The following CERS6 variants were observed in gnomAD, a reference collection of about 807,000 sequenced individuals.
CERS6 encodes the protein LAG1 homolog, ceramide synthase 6.
Under a neutral mutation model 56.8 loss-of-function variants are expected in CERS6, and 26 were observed. The ratio of observed to expected loss-of-function variants is 0.46; its 90% CI spans 0.34 to 0.63. The LOEUF is 0.63. CERS6 is among the 30% of genes least tolerant of loss of function. The pLI is 0.01. For missense variants in CERS6, 415 were observed against 467.5 expected, an observed-to-expected ratio of 0.89 and a Z score of 1.04; for synonymous variants, 164 against 173.3, an observed-to-expected ratio of 0.95 and a Z score of 0.42.
At chr2:168,570,629 A>G (rs1695968712) in intron 3 of CERS6, among the ~76,000 whole-genome samples, 1 of 151,948 alleles carries the variant, frequency 6.6e-6, no homozygotes, top group East Asian at 1.9e-4. Context: ...CTTAAATGTA[A>G]TATTTATTGG....
chr2:168,503,459 G>T (rs1694620917), intron 1 of CERS6, among the ~76,000 whole-genome samples: 1 of 152,200 alleles, frequency 6.6e-6, no homozygotes, highest in Admixed American at 6.5e-5. Flanking sequence ...TAGCAAGTTA[G>T]TTGACTGGCT....
intron 4 of CERS6, among the ~76,000 whole-genome samples, chr2:168,659,921 G>A (rs7562526): frequency 1 from 151,709 of 152,334 alleles, 75,544 homozygotes; most frequent in Middle Eastern, 1. Flanking sequence ...GATCCTGAGT[G>A]TTGCACTATG....
intron 1 of CERS6, among the ~76,000 whole-genome samples, chr2:168,470,248 T>C (rs904939964): frequency 6.9e-6 from 1 of 144,134 alleles, no homozygotes; most frequent in Non-Finnish European, 1.5e-5. Context: ...CTGGGCGTGG[T>C]GGTATGCACC....
At chr2:168,568,374 G>T (rs1236279898) in intron 3 of CERS6, among the ~76,000 whole-genome samples, 1 of 152,170 alleles carries the variant, frequency 6.6e-6, no homozygotes, top group Non-Finnish European at 1.5e-5. Context: ...TTGAACCTAT[G>T]TACTATTTCT....
chr2:168,477,629 T>C (rs1196468003), intron 1 of CERS6, among the ~76,000 whole-genome samples: 1 of 152,226 alleles, frequency 6.6e-6, no homozygotes, highest in African/African-American at 2.4e-5. Flanking sequence ...TTGTACGTCT[T>C]TCTTTCTTTC....
At position 168,547,658 on chromosome 2, in the gene CERS6, C is replaced by T. The variant is rs200179823; in HGVS notation, c.233C>T (p.Pro78Leu). ...CAGGCCAATGGACCACAAATTGCTC[C>T]GCCCAATGCCATTCTGGAAAAGGTC... ...NIQANGPQIA[P>L]PNAILEKVFT... The change falls in exon 2 of 10, where the codon CCG becomes CTG. Residue 78 changes from proline (P) to leucine (L), a missense_variant. Pro to Leu is a moderately conservative substitution (Grantham distance 98). Coordinates refer to ENST00000305747, the MANE Select transcript of CERS6 (RefSeq NM_203463.3). 2.0e-4 allele frequency: 323 copies of T among 1,613,674 alleles called. 1 individual carries two copies. Among genetic ancestry groups the T allele is most frequent in the South Asian group, 7.1e-4 (65 of 91,054 alleles).
At chr2:168,549,062 A>C (rs978590655) in intron 2 of CERS6, among the ~76,000 whole-genome samples, 5 of 152,188 alleles carry the variant, frequency 3.3e-5, no homozygotes, top group African/African-American at 1.2e-4. Context: ...GCAGGTGTGT[A>C]GGGACTTCTC....
intron 1 of CERS6, among the ~76,000 whole-genome samples, chr2:168,511,950 GCACACACA>G (rs10568314): frequency 2.6e-4 from 39 of 148,640 alleles, no homozygotes; most frequent in African/African-American, 7.9e-4. Context: ...GCATGCACGT[GCACACACA>G]CACACACACA....
intron 1 of CERS6, among the ~76,000 whole-genome samples, chr2:168,478,859 C>T (rs1404142436): frequency 6.6e-6 from 1 of 152,128 alleles, no homozygotes; most frequent in East Asian, 1.9e-4. Flanking sequence ...CTCAAGAGGT[C>T]TTGGAGATAA....
At chr2:168,489,638 C>T (rs191467466) in intron 1 of CERS6, among the ~76,000 whole-genome samples, 5 of 151,766 alleles carry the variant, frequency 3.3e-5, no homozygotes, top group East Asian at 3.9e-4. Flanking sequence ...ACTCTTTCTT[C>T]GGTTATATAT....
intron 6 of CERS6, among the ~76,000 whole-genome samples, chr2:168,696,937 T>C (rs1232679008): frequency 2.0e-5 from 3 of 152,160 alleles, no homozygotes; most frequent in Non-Finnish European, 4.4e-5. Context: ...TGAGGGTAAA[T>C]GAATAAGCAA....
At position 168,662,731 on chromosome 2, in the gene CERS6, TCAAA is replaced by T. The variant is rs148658074; in HGVS notation, c.466-28289_466-28286del. On this transcript the variant is annotated intron_variant, in intron 4 of 9. Coordinates refer to ENST00000305747, the MANE Select transcript of CERS6 (RefSeq NM_203463.3). ...TGGGCGACAAGAGCGAAACCCTGTC[TCAAA>T]CAAACAAACAAACGAGCCCTGGAAA... Among the ~76,000 whole-genome samples, 1,246 of 152,026 alleles carry T rather than the reference TCAAA, an allele frequency of 8.2e-3. 38 individuals carry two copies. Among genetic ancestry groups the T allele is most frequent in the Admixed American group, 0.057 (866 of 15,274 alleles).
chr2:168,631,607 AAT>A (rs1323574377), intron 4 of CERS6, among the ~76,000 whole-genome samples: 2 of 52,566 alleles, frequency 3.8e-5, no homozygotes, highest in East Asian at 1.0e-3. Context: ...TTAAATATAT[AAT>A]ATATTTAATA....
At chr2:168,701,977 T>C (rs1252384720) in intron 6 of CERS6, among the ~76,000 whole-genome samples, 2 of 152,224 alleles carry the variant, frequency 1.3e-5, no homozygotes, top group East Asian at 3.8e-4. Context: ...TGTTAATAGT[T>C]ATACTGTATT....
chr2:168,515,716 T>G (rs1694873009), intron 1 of CERS6, among the ~76,000 whole-genome samples: 1 of 152,228 alleles, frequency 6.6e-6, no homozygotes, highest in African/African-American at 2.4e-5. Flanking sequence ...TCAGGATCAG[T>G]GGGTTCCAAC....
chr2:168,709,186 G>A (rs570897291), intron 6 of CERS6, among the ~76,000 whole-genome samples: 1 of 152,208 alleles, frequency 6.6e-6, no homozygotes, highest in East Asian at 1.9e-4. Context: ...AACAGTTGGG[G>A]ATGGAGCCCA....
intron 4 of CERS6, among the ~76,000 whole-genome samples, chr2:168,680,402 A>G (rs2074971243): frequency 6.6e-6 from 1 of 152,222 alleles, no homozygotes; most frequent in Non-Finnish European, 1.5e-5. Flanking sequence ...AGGAAAAATG[A>G]TGATGTTGGA....
chr2:168,649,554 T>G (rs1200097418), intron 4 of CERS6, among the ~76,000 whole-genome samples: 1 of 152,164 alleles, frequency 6.6e-6, no homozygotes, highest in Non-Finnish European at 1.5e-5. Context: ...GAAATTCTCC[T>G]TCTGTATTTT....
intron 8 of CERS6, among the ~76,000 whole-genome samples, chr2:168,723,696 T>C (rs980403660): frequency 1.3e-5 from 2 of 152,212 alleles, no homozygotes; most frequent in Non-Finnish European, 2.9e-5. Context: ...AATACTGTTA[T>C]GAGTTTCCTC....
Sources: gnomAD v4.1 joint callset for allele counts (sites outside exome capture counted in the v4.1 genomes callset) on GRCh38, gnomAD v4.1.1 for gene constraint, MANE v1.5 for transcripts, NCBI Gene and HGNC (gene_info 2026-07-23, HGNC 2026-07-21) for gene names.